Variants in GPC6 observed in about 807,000 individuals in gnomAD.
GPC6 encodes the protein glypican-6.
In GPC6, 14 loss-of-function variants were observed where a neutral mutation model predicts 55.2. That is an observed-to-expected ratio of 0.25 (90% confidence interval 0.17 to 0.40). The LOEUF is 0.40. GPC6 is among the 10% of genes least tolerant of loss of function. The probability of loss-of-function intolerance (pLI) is 1.00; values close to 1 mark genes in which losing one functional copy is unlikely to be tolerated. For synonymous variants in GPC6, 278 were observed against 259.6 expected, an observed-to-expected ratio of 1.07 and a Z score of -0.68; for missense variants, 641 against 708.5, an observed-to-expected ratio of 0.90 and a Z score of 1.08.
In GPC6 at chr13:94,407,499, T is replaced by TA. The variant is rs1006789929; in HGVS notation, c.*4288dup. The TA allele has an allele frequency of 1.3e-5, 2 of 152,234 alleles. No homozygotes were observed. Among genetic ancestry groups the TA allele is most frequent in the African/African-American group, 4.8e-5 (2 of 41,560 alleles). 9.4% of individuals were successfully genotyped at this position (152,234 alleles called of 1,614,324 possible). On this transcript the variant is annotated 3_prime_UTR_variant, in exon 9 of 9. Transcript: ENST00000377047. ...GAGACATTTTTAGAAGCTTCAATAT[T>TA]AAAAAACAACAACAAACCTCGTATA...
chr13:93,924,996 T>A (rs1056051331), intron 3 of GPC6, among the ~76,000 whole-genome samples: 5 of 151,848 alleles, frequency 3.3e-5, no homozygotes, highest in African/African-American at 1.2e-4. Context: ...ATGAAAAGAG[T>A]TTGAAGTAGA....
At chr13:94,297,192 A>G (rs1269184197) in intron 5 of GPC6, among the ~76,000 whole-genome samples, 2 of 152,080 alleles carry the variant, frequency 1.3e-5, no homozygotes, top group African/African-American at 4.8e-5. Flanking sequence ...ACATTCTATA[A>G]TAATTGCCTG....
chr13:93,254,416 A>G (rs1876884215), intron 1 of GPC6, among the ~76,000 whole-genome samples: 1 of 152,216 alleles, frequency 6.6e-6, no homozygotes, highest in Admixed American at 6.5e-5. Flanking sequence ...AAATATTTTT[A>G]TAACCAAAGA....
chr13:93,687,961 A>G, intron 2 of GPC6, among the ~76,000 whole-genome samples: 1 of 151,936 alleles, frequency 6.6e-6, no homozygotes, highest in East Asian at 1.9e-4. Flanking sequence ...CAGGCAGTCC[A>G]GGTATACTCA....
intron 4 of GPC6, among the ~76,000 whole-genome samples, chr13:94,267,948 A>G (rs530267428): frequency 6.6e-6 from 1 of 152,224 alleles, no homozygotes; most frequent in African/African-American, 2.4e-5. Context: ...ATATGTGTAG[A>G]AGAAATATGA....
chr13:94,405,198 T>G lies in GPC6; in HGVS notation c.*1981T>G, dbSNP rs1881320571. The G allele has an allele frequency of 1.3e-5, 2 of 152,212 alleles. No homozygotes were observed. Among genetic ancestry groups the G allele is most frequent in the African/African-American group, 4.8e-5 (2 of 41,464 alleles). The allele number at this position is 152,212 out of a possible 1,614,324, so 9.4% of individuals were successfully genotyped here. On this transcript the variant is annotated 3_prime_UTR_variant, in exon 9 of 9. Transcript: ENST00000377047. ...ACTTTATGCCTAATGAAATATAAAA[T>G]GTAGGATGATGAGAGACTTTGTGGC...
intron 2 of GPC6, among the ~76,000 whole-genome samples, chr13:93,757,506 A>G (rs1884814455): frequency 6.6e-6 from 1 of 152,126 alleles, no homozygotes. Context: ...GAAGCAGTGG[A>G]CACTTCTATT....
chr13:93,258,670 G>A (rs192596719), intron 1 of GPC6, among the ~76,000 whole-genome samples: 4 of 152,268 alleles, frequency 2.6e-5, no homozygotes, highest in Non-Finnish European at 5.9e-5. Flanking sequence ...TGGGTACAAT[G>A]GCTCATGCCT....
intron 2 of GPC6, among the ~76,000 whole-genome samples, chr13:93,574,763 A>C (rs757478576): frequency 6.6e-6 from 1 of 152,134 alleles, no homozygotes; most frequent in Non-Finnish European, 1.5e-5. Context: ...ACATCAACTC[A>C]TGTGCGTTCT....
intron 2 of GPC6, among the ~76,000 whole-genome samples, chr13:93,728,819 C>T (rs933424668): frequency 8.6e-5 from 13 of 152,036 alleles, no homozygotes; most frequent in Admixed American, 2.6e-4. Flanking sequence ...CCGCCTACCT[C>T]GGCCTCCCAA....
At chr13:93,756,312 A>AT (rs1884768164) in intron 2 of GPC6, among the ~76,000 whole-genome samples, 1 of 152,172 alleles carries the variant, frequency 6.6e-6, no homozygotes, top group Non-Finnish European at 1.5e-5. Flanking sequence ...GTGACACCAA[A>AT]TAACACCCCC....
intron 6 of GPC6, among the ~76,000 whole-genome samples, chr13:94,327,763 A>G (rs988231726): frequency 1.3e-5 from 2 of 152,228 alleles, no homozygotes; most frequent in African/African-American, 4.8e-5. Flanking sequence ...TGTGATACCC[A>G]GTAAAAAAAA....
intron 2 of GPC6, among the ~76,000 whole-genome samples, chr13:93,690,487 C>G (rs1478582170): frequency 1.3e-5 from 2 of 151,812 alleles, no homozygotes; most frequent in South Asian, 2.1e-4. Context: ...TGGCCTCTCA[C>G]TAGAATTTTC....
intron 2 of GPC6, among the ~76,000 whole-genome samples, chr13:93,718,349 C>T (rs1192482897): frequency 3.9e-5 from 6 of 152,000 alleles, no homozygotes; most frequent in Admixed American, 3.9e-4. Context: ...ATTTGCATTT[C>T]TCTAATGACC....
upstream of GPC6, among the ~76,000 whole-genome samples, chr13:93,225,461 G>C (rs538193794): frequency 1.3e-5 from 2 of 151,690 alleles, no homozygotes; most frequent in East Asian, 3.9e-4. Context: ...AGTGTGTTGC[G>C]TTTTCAGAAA....
At chr13:93,955,673 T>C (rs993544975) in intron 3 of GPC6, among the ~76,000 whole-genome samples, 8 of 152,214 alleles carry the variant, frequency 5.3e-5, no homozygotes, top group Non-Finnish European at 8.8e-5. Context: ...TGGAGGAGGC[T>C]ATTCTAGTAA....
chr13:93,830,207 G>A lies in GPC6; in HGVS notation c.373G>A (p.Val125Ile). 6.2e-7 allele frequency: 1 copy of A among 1,608,976 alleles called. No homozygotes were observed. The highest frequency in any genetic ancestry group is 8.5e-7 in the Non-Finnish European group (1 of 1,176,800). ...AGAAAAGTCACTAAATGATATGTTT[G>A]TACGGACCTATGGCATGCTGTACAT... ...NAEKSLNDMF[V>I]RTYGMLYMQN... Residue 125 changes from valine to isoleucine, a missense_variant, in exon 3 of 9, where the codon GTA becomes ATA. Val to Ile is a conservative substitution (Grantham distance 29). Coordinates refer to ENST00000377047, the MANE Select transcript of GPC6 (RefSeq NM_005708.5).
chr13:94,374,758 AT>A (rs1365053901), intron 6 of GPC6, among the ~76,000 whole-genome samples: 1 of 139,712 alleles, frequency 7.2e-6, no homozygotes, highest in Non-Finnish European at 1.5e-5. Flanking sequence ...CAGAATATAC[AT>A]TTTTTTCAGC....
rs189171867 is a variant in GPC6 at position 93,900,293 on chromosome 13, C to T, written c.711+69748C>T. Among the ~76,000 whole-genome samples the T allele has an allele frequency of 1.7e-3, 262 of 152,176 alleles. 2 individuals carry two copies. The highest frequency in any genetic ancestry group is 5.7e-3 in the African/African-American group (238 of 41,544). ...TTTGGGGCACATAAAAAAAGCCAAA[C>T]ATTCAGTTGGCCTCTTCCATATCTA... On this transcript the variant is annotated intron_variant, in intron 3 of 8. Transcript: ENST00000377047.
Sources: gnomAD v4.1 joint callset for allele counts (sites outside exome capture counted in the v4.1 genomes callset) on GRCh38, gnomAD v4.1.1 for gene constraint, MANE v1.5 for transcripts, NCBI Gene and HGNC (gene_info 2026-07-23, HGNC 2026-07-21) for gene names.